MYBPC2: variants seen among roughly 807,000 people sequenced by gnomAD.
MYBPC2 encodes the protein myosin-binding protein C, fast-type.
Under a neutral mutation model 137.0 loss-of-function variants are expected in MYBPC2, and 122 were observed. The observed-to-expected ratio is 0.89, with a 90% CI of 0.77 to 1.03. The LOEUF (loss-of-function observed/expected upper bound fraction) is 1.03, where lower values mean the gene tolerates loss of function less well. Among genes scored for constraint, MYBPC2 ranks in the 50% least tolerant of loss-of-function variants. The pLI, the probability that MYBPC2 is intolerant of heterozygous loss-of-function variation, is 0.00. For synonymous variants in MYBPC2, 626 were observed against 612.3 expected, an observed-to-expected ratio of 1.02 and a Z score of -0.33; for missense variants, 1,500 against 1,534.4, an observed-to-expected ratio of 0.98 and a Z score of 0.37.
At chr19:50,440,185 C>T (rs2039737928) in intron 7 of MYBPC2, among the ~76,000 whole-genome samples, 2 of 151,918 alleles carry the variant, frequency 1.3e-5, no homozygotes, top group Non-Finnish European at 2.9e-5. Context: ...GTCAGAAATA[C>T]CCCACAGGAT....
intron 1 of MYBPC2, among the ~76,000 whole-genome samples, chr19:50,433,542 C>A (rs9789279): frequency 0.47 from 71,453 of 151,410 alleles, 17,287 homozygotes; most frequent in South Asian, 0.55. Context: ...GATTACAGGC[C>A]TGCGCCACCA....
chr19:50,462,435 C>T (rs920912232), intron 26 of MYBPC2, among the ~76,000 whole-genome samples: 3 of 152,086 alleles, frequency 2.0e-5, no homozygotes, highest in South Asian at 2.1e-4. Context: ...TCTCCCGCCT[C>T]GGCCTCCCAA....
Position 50,449,023 on chromosome 19 carries a change from C to G in MYBPC2, c.1472+633C>G, listed in dbSNP as rs374090976. ...GGGATTACAGGTGTGAACCACCGCA[C>G]CTGTCCTGTCCCCAAACTTAGAGGT... is the stretch of plus-strand genomic sequence containing the variant. On this transcript the variant is annotated intron_variant, in intron 13 of 27. Transcript: ENST00000357701. Among the ~76,000 whole-genome samples, 56 of 152,152 alleles carry G rather than the reference C, an allele frequency of 3.7e-4. 1 individual carries two copies. The South Asian group carries it at 0.012, about 32-fold the overall frequency.
rs2039941688 is a variant in MYBPC2, at chr19:50,458,988, C to T, written c.2577C>T (p.Asn859=). Residue 859 remains asparagine, a synonymous_variant, in exon 22 of 28, where the codon AAC becomes AAT. Coordinates refer to ENST00000357701, the MANE Select transcript of MYBPC2 (RefSeq NM_004533.4). ...TYIRKVGEQL[N]LVVPFQGKPR... is the part of the protein sequence containing the mutation. Reference sequence around the variant, plus strand: ...TCCGCAAAGTGGGCGAGCAGCTCAACCTTGTCGTCCCCTTCCAGGTCAGGG... The same window carrying T: ...TCCGCAAAGTGGGCGAGCAGCTCAATCTTGTCGTCCCCTTCCAGGTCAGGG... The T allele has an allele frequency of 6.2e-7, 1 of 1,612,084 alleles. No homozygotes were observed. Among genetic ancestry groups the T allele is most frequent in the Non-Finnish European group, 8.5e-7 (1 of 1,179,388 alleles).
In MYBPC2 at chr19:50,443,651, G is replaced by A. The variant is rs772809439; in HGVS notation, c.1027+33G>A. The A allele has an allele frequency of 3.7e-6, 6 of 1,612,148 alleles. No homozygotes were observed. In the Admixed American group the frequency reaches 1.0e-4, roughly 27 times the overall value. ...TGGAATTCAGAACTGAGCCTGGAGA[G>A]GGACTGGAACTCTGGAGGGGGTCCT... On this transcript the variant is annotated intron_variant, in intron 10 of 27. Coordinates refer to ENST00000357701, the MANE Select transcript of MYBPC2 (RefSeq NM_004533.4).
chr19:50,444,290 TCATCCATCCATCCATC>T (rs66680495), intron 11 of MYBPC2, among the ~76,000 whole-genome samples: 12,410 of 117,820 alleles, frequency 0.11, 699 homozygotes, highest in African/African-American at 0.16. Flanking sequence ...GTCCATCCAT[TCATCCATCCATCCATC>T]CATCCATCCA....
At chr19:50,455,434 C>T in intron 19 of MYBPC2, 76 bp from the exon 20 acceptor site, 1 of 1,573,142 alleles carries the variant, frequency 6.4e-7, no homozygotes, top group Non-Finnish European at 8.7e-7. Context: ...AATCATTCTA[C>T]CTCTGACTCC....
intron 1 of MYBPC2, 142 bp downstream of exon 1, chr19:50,433,114 G>C: frequency 9.3e-7 from 1 of 1,080,832 alleles, no homozygotes; most frequent in Non-Finnish European, 1.3e-6. Flanking sequence ...TGCGGGATGG[G>C]GGTTCCCGCA....
intron 11 of MYBPC2, among the ~76,000 whole-genome samples, chr19:50,445,021 T>C (rs1279855475): frequency 6.6e-6 from 1 of 152,124 alleles, no homozygotes; most frequent in African/African-American, 2.4e-5. Flanking sequence ...ATTAGTCAAG[T>C]CATCACATAC....
chr19:50,461,952 C>G lies in MYBPC2; in HGVS notation c.3144C>G (p.Pro1048=). The change falls in exon 26 of 28, where the codon CCC becomes CCG. Residue 1048 remains proline (P), a synonymous_variant. Coordinates refer to ENST00000357701, the MANE Select transcript of MYBPC2 (RefSeq NM_004533.4). ...EYKEHDFRMA[P]KFLTPLIDRV... is the part of the protein sequence containing the mutation. Reference sequence around the variant, plus strand: ...AGGAGCATGACTTCCGGATGGCTCCCAAGTTCCTGACACCTCTCATAGACC... The same window carrying G: ...AGGAGCATGACTTCCGGATGGCTCCGAAGTTCCTGACACCTCTCATAGACC... The G allele has an allele frequency of 6.3e-7, 1 of 1,590,016 alleles. No individual in the cohort carries two copies. The highest frequency in any genetic ancestry group is 1.1e-5 in the South Asian group (1 of 87,296).
chr19:50,454,425 T>TG, intron 18 of MYBPC2, 56 bp downstream of exon 18: 1 of 1,158,588 alleles, frequency 8.6e-7, no homozygotes, highest in Non-Finnish European at 1.2e-6. Context: ...CTTCTGTTTT[T>TG]TTTTTTTTTT....
rs199501526 is a variant in MYBPC2 at position 50,436,676 on chromosome 19, C to A, written c.405C>A (p.Arg135=). 14 of 1,613,920 alleles carry A rather than the reference C, an allele frequency of 8.7e-6. No individual in the cohort carries two copies. The highest frequency in any genetic ancestry group is 1.2e-5 in the Non-Finnish European group (14 of 1,179,852). Residue 135 remains arginine (R), a synonymous_variant, in exon 5 of 28, where the codon CGC becomes CGA. Transcript: ENST00000357701. ...KVVLGDRGYY[R]LEVKAKDTCD... ...TACTGGGGGACCGTGGGTATTACCG[C>A]CTCGAGGTCAAAGCCAAGGACACCT...
At position 50,435,262 on chromosome 19, in the gene MYBPC2, C is replaced by G; in HGVS notation, c.109+12C>G. The G allele has an allele frequency of 9.2e-7, 1 of 1,081,954 alleles. No homozygotes were observed. Among genetic ancestry groups the G allele is most frequent in the Non-Finnish European group, 1.4e-6 (1 of 712,302 alleles). 67.0% of individuals were successfully genotyped at this position (1,081,954 alleles called of 1,614,324 possible). A position where few individuals can be genotyped will look rare whatever the true frequency, so the allele number is the denominator to read the frequency against. ...AGAGGCCCCCAAAGGTGAGGAGGTG[C>G]TCCCTCGGGCTCAACCGACCTGGCT... On this transcript the variant is annotated intron_variant, in intron 2 of 27. Coordinates refer to ENST00000357701, the MANE Select transcript of MYBPC2 (RefSeq NM_004533.4). The surrounding 1 kb of genome is among the most constrained non-coding windows in gnomAD (Gnocchi z 4.8).
intron 12 of MYBPC2, among the ~76,000 whole-genome samples, chr19:50,447,386 G>T (rs1397109343): frequency 3.3e-5 from 5 of 152,146 alleles, no homozygotes; most frequent in African/African-American, 1.2e-4. Flanking sequence ...ACTCAAGTCA[G>T]TTATGGGTCA....
intron 18 of MYBPC2, 91 bp from the exon 19 acceptor site, chr19:50,455,017 G>A: frequency 2.4e-6 from 3 of 1,276,360 alleles, no homozygotes; most frequent in Non-Finnish European, 3.2e-6. Flanking sequence ...CCCTGGCCAT[G>A]CGATCCTCTG....
In MYBPC2 at chr19:50,464,431, T is replaced by G; in HGVS notation, c.3314T>G (p.Leu1105Arg). The change falls in exon 27 of 28, where the codon CTG becomes CGG. Residue 1105 changes from leucine (L) to arginine (R), a missense_variant. Coordinates refer to ENST00000357701, the MANE Select transcript of MYBPC2 (RefSeq NM_004533.4). ...LITNYQGVLT[L>R]NIRRPSPFDA... ...ACCAATTACCAAGGAGTCCTGACGC[T>G]GAACATCCGTCGCCCCTCGCCCTTC... 4.3e-6 allele frequency: 7 copies of G among 1,611,880 alleles called. No homozygotes were observed. Among genetic ancestry groups the G allele is most frequent in the Non-Finnish European group, 5.9e-6 (7 of 1,179,194 alleles).
intron 8 of MYBPC2, 68 bp downstream of exon 8, chr19:50,441,144 G>T (rs2039750918): frequency 2.1e-6 from 3 of 1,459,794 alleles, no homozygotes; most frequent in African/African-American, 2.9e-5. Context: ...GGTGTCTAAT[G>T]ATTGGACCCT....
chr19:50,463,995 TC>T (rs1381415022), intron 26 of MYBPC2, among the ~76,000 whole-genome samples: 2 of 149,622 alleles, frequency 1.3e-5, no homozygotes, highest in East Asian at 3.9e-4. Flanking sequence ...AGTGCCAGCG[TC>T]CTGAGGTGGG....
Position 50,450,831 on chromosome 19 carries a change from TC to T in MYBPC2, c.1477del (p.His493ThrfsTer4). The T allele has an allele frequency of 6.4e-7, 1 of 1,564,552 alleles. No individual in the cohort carries two copies. On this transcript the variant is annotated frameshift_variant, in exon 14 of 28. Transcript: ENST00000357701. LOFTEE classifies it high-confidence loss of function. ...KRITISHVGR[F>X]HKLVIDDVRP... The stretch of plus-strand genomic sequence containing the variant: ...TACCCTGCTCCCCCACCCCTTAGGT[TC>T]CACAAGCTGGTGATCGATGACGTCC...
Sources: allele counts gnomAD v4.1 joint callset (sites outside exome capture counted in the v4.1 genomes callset), GRCh38; gene constraint gnomAD v4.1.1; non-coding constraint Gnocchi (gnomAD v3.1); transcripts MANE v1.5; gene names NCBI Gene and HGNC (gene_info 2026-07-23, HGNC 2026-07-21).